KIF16B: variants seen among roughly 807,000 people sequenced by gnomAD.
The protein encoded by KIF16B is kinesin-like protein KIF16B.
KIF16B carries 98 observed loss-of-function variants against 156.3 expected under a neutral mutation model. The observed-to-expected ratio is 0.63, with a 90% CI of 0.53 to 0.74. The LOEUF (loss-of-function observed/expected upper bound fraction) is 0.74. KIF16B is among the 30% of genes least tolerant of loss of function. The pLI, the probability that KIF16B is intolerant of heterozygous loss-of-function variation, is 0.00. For missense variants in KIF16B, 1,421 were observed against 1,606.5 expected (o/e 0.88, Z 1.97); for synonymous variants, 564 against 583.7 (o/e 0.97, Z 0.49).
At position 16,379,951 on chromosome 20, in the gene KIF16B, A is replaced by G; in HGVS notation, c.2051T>C (p.Leu684Pro). Residue 684 changes from leucine to proline, a missense_variant, in exon 19 of 26, where the codon CTG becomes CCG. Physicochemically the swap from Leu to Pro is moderately conservative, Grantham distance 98 (BLOSUM62 -3). Transcript: ENST00000354981. ...AEKEKFEEER[L>P]REQQEIELQK... ...CAGCTCGATTTCCTGCTGTTCCCTC[A>G]GCCTCTCCTCTTCAAATTTTTCCTT... 1.9e-6 allele frequency: 3 copies of G among 1,612,978 alleles called. No homozygotes were observed. The East Asian group carries it at 6.7e-5, about 36-fold the overall frequency.
At chr20:16,324,465 T>C (rs1039159921) in intron 24 of KIF16B, among the ~76,000 whole-genome samples, 2 of 151,988 alleles carry the variant, frequency 1.3e-5, no homozygotes, top group African/African-American at 4.8e-5. Flanking sequence ...TCCCTCAGGG[T>C]GCTGGCATTT....
intron 25 of KIF16B, among the ~76,000 whole-genome samples, chr20:16,274,710 T>C (rs573571483): frequency 6.6e-6 from 1 of 152,330 alleles, no homozygotes; most frequent in East Asian, 1.9e-4. Flanking sequence ...TGTTCAGCAG[T>C]GTTTGGTGGC....
chr20:16,431,995 G>A (rs527389186), intron 12 of KIF16B, among the ~76,000 whole-genome samples: 10 of 150,956 alleles, frequency 6.6e-5, no homozygotes, highest in African/African-American at 2.2e-4. Context: ...CTAATTTCAT[G>A]TCCCACTCAT....
At chr20:16,276,167 G>A (rs1342094404) in intron 25 of KIF16B, among the ~76,000 whole-genome samples, 2 of 152,190 alleles carry the variant, frequency 1.3e-5, no homozygotes, top group African/African-American at 4.8e-5. Flanking sequence ...AGACTGGAAG[G>A]CAATTTAAAT....
At chr20:16,430,168 T>C (rs1057052403) in intron 12 of KIF16B, among the ~76,000 whole-genome samples, 186 bp from the exon 13 acceptor site, 5 of 152,172 alleles carry the variant, frequency 3.3e-5, no homozygotes, top group Non-Finnish European at 7.3e-5. Flanking sequence ...TTGGAACTTA[T>C]AAAAAGCGAA....
intron 12 of KIF16B, among the ~76,000 whole-genome samples, chr20:16,444,666 TAC>T (rs1342849409): frequency 6.6e-6 from 1 of 152,242 alleles, no homozygotes; most frequent in African/African-American, 2.4e-5. Flanking sequence ...TTCATAGTTT[TAC>T]ACAGTTACAT....
intron 25 of KIF16B, among the ~76,000 whole-genome samples, chr20:16,286,300 C>T (rs970486285): frequency 2.0e-5 from 3 of 152,104 alleles, no homozygotes; most frequent in African/African-American, 7.2e-5. Context: ...GGGTATGTGC[C>T]TTTTAAATTT....
intron 12 of KIF16B, among the ~76,000 whole-genome samples, chr20:16,458,754 A>G (rs2067274874): frequency 6.6e-6 from 1 of 152,006 alleles, no homozygotes; most frequent in Non-Finnish European, 1.5e-5. Flanking sequence ...ATATACACAC[A>G]CACATATAAA....
At chr20:16,544,348 G>A (rs186476869) in intron 1 of KIF16B, among the ~76,000 whole-genome samples, 17 of 152,228 alleles carry the variant, frequency 1.1e-4, no homozygotes, top group African/African-American at 3.6e-4. Flanking sequence ...TGTGGCTCAC[G>A]CCTGTAATCC....
At chr20:16,381,169 C>G (rs2065084282) in intron 18 of KIF16B, among the ~76,000 whole-genome samples, 1 of 152,106 alleles carries the variant, frequency 6.6e-6, no homozygotes. Flanking sequence ...CTGCCCAAAT[C>G]AATTAAACAG....
intron 22 of KIF16B, chr20:16,368,805 G>C: frequency 9.1e-6 from 9 of 985,828 alleles, no homozygotes; most frequent in Non-Finnish European, 1.1e-5. Context: ...TGGCCTGCTT[G>C]CCTCCGCTAT....
intron 1 of KIF16B, among the ~76,000 whole-genome samples, chr20:16,543,142 A>G (rs568648255): frequency 2.0e-5 from 3 of 152,336 alleles, no homozygotes; most frequent in Non-Finnish European, 2.9e-5. Flanking sequence ...GTTTGGGACC[A>G]CTGCGCTAGT....
chr20:16,370,930 T>C lies in KIF16B; in HGVS notation c.3448-294A>G, dbSNP rs148199100. Among the ~76,000 whole-genome samples, 681 of 152,358 alleles carry C rather than the reference T, an allele frequency of 4.5e-3. 3 individuals are homozygous for C. The highest frequency in any genetic ancestry group is 0.031 in the Middle Eastern group (9 of 294). The stretch of plus-strand genomic sequence containing the variant: ...TTGCAGGATAGAAATGCATTGTCTT[T>C]ATTTCAGTATAGACTTGTCACAAAT... On this transcript the variant is annotated intron_variant, in intron 21 of 25. Coordinates refer to ENST00000354981, the MANE Select transcript of KIF16B (RefSeq NM_024704.5).
chr20:16,283,101 G>T (rs538431652), intron 25 of KIF16B, among the ~76,000 whole-genome samples: 52 of 152,144 alleles, frequency 3.4e-4, no homozygotes, highest in Non-Finnish European at 6.0e-4. Context: ...GTCTAACTCA[G>T]GGCAGGGCAA....
intron 12 of KIF16B, among the ~76,000 whole-genome samples, chr20:16,484,636 T>C (rs2068067490): frequency 6.6e-6 from 1 of 152,204 alleles, no homozygotes; most frequent in Non-Finnish European, 1.5e-5. Flanking sequence ...GTAAATGCAT[T>C]AGAAAAAGAT....
intron 3 of KIF16B, among the ~76,000 whole-genome samples, chr20:16,517,180 C>T (rs981245570): frequency 6.6e-6 from 1 of 152,238 alleles, no homozygotes; most frequent in African/African-American, 2.4e-5. Context: ...CAGCTGTCTT[C>T]AGATCCATCT....
At chr20:16,494,509 A>G (rs907724210) in intron 11 of KIF16B, among the ~76,000 whole-genome samples, 159 bp from the exon 12 acceptor site, 19 of 152,198 alleles carry the variant, frequency 1.2e-4, no homozygotes, top group African/African-American at 4.6e-4. Flanking sequence ...AGATAAATCA[A>G]ACAAGCTGAT....
chr20:16,427,689 C>T (rs2066392151), intron 14 of KIF16B, among the ~76,000 whole-genome samples: 1 of 152,064 alleles, frequency 6.6e-6, no homozygotes, highest in African/African-American at 2.4e-5. Flanking sequence ...ACACTGCACT[C>T]CAGGAGCAGA....
intron 24 of KIF16B, among the ~76,000 whole-genome samples, chr20:16,322,354 C>A (rs13042286): frequency 0.036 from 5,402 of 151,998 alleles, 109 homozygotes; most frequent in African/African-American, 0.045. Context: ...CAAGCCTCTA[C>A]ATTTTTGGTT....
Sources: gnomAD v4.1 joint callset for allele counts (sites outside exome capture counted in the v4.1 genomes callset) on GRCh38, gnomAD v4.1.1 for gene constraint, MANE v1.5 for transcripts, NCBI Gene and HGNC (gene_info 2026-07-23, HGNC 2026-07-21) for gene names.